The following INTS4 variants were observed in gnomAD, a reference collection of about 807,000 sequenced individuals.
INTS4 encodes the protein integrator complex subunit 4, also known as MSTP093.
Under a neutral mutation model 119.5 loss-of-function variants are expected in INTS4, and 70 were observed. The observed-to-expected ratio is 0.59, with a 90% confidence interval of 0.48 to 0.71. INTS4 has a LOEUF of 0.71. INTS4 is among the 30% of genes least tolerant of loss of function. The pLI, the probability that INTS4 is intolerant of heterozygous loss-of-function variation, is 0.00. For missense variants in INTS4, 867 were observed against 1,173.2 expected (o/e 0.74, Z 3.81); for synonymous variants, 316 against 419.6 (o/e 0.75, Z 3.02).
Position 77,960,381 on chromosome 11 carries a change from T to A in INTS4, c.668A>T (p.His223Leu), listed in dbSNP as rs368162001. Residue 223 changes from histidine (H) to leucine (L), a missense_variant, in exon 6 of 23, where the codon CAT (histidine) becomes CTT (leucine). His to Leu is a moderately conservative substitution (Grantham distance 99). This residue lies in a region of INTS4 where 208 missense variants were observed against 306.6 expected (regional missense o/e 0.68). Transcript: ENST00000534064. ...TAAIKAMLQL[H>L]ERGLKLHQTI... The stretch of plus-strand genomic sequence containing the variant: ...TTGGTGTAATTTCAGTCCTCTTTCA[T>A]GGAGCTGCAACTAGATAATAAATAT... The A allele has an allele frequency of 6.3e-7, 1 of 1,597,068 alleles. No individual in the cohort carries two copies. Among genetic ancestry groups the A allele is most frequent in the African/African-American group, 1.3e-5 (1 of 74,268 alleles).
chr11:77,974,915 C>CT (rs1565284817), intron 4 of INTS4, among the ~76,000 whole-genome samples: 1 of 151,958 alleles, frequency 6.6e-6, no homozygotes, highest in Non-Finnish European at 1.5e-5. Flanking sequence ...CTCACTTTTC[C>CT]TTTTTTTTCC....
intron 1 of INTS4, among the ~76,000 whole-genome samples, chr11:77,992,586 C>T (rs145981397): frequency 4.6e-5 from 7 of 152,176 alleles, no homozygotes; most frequent in African/African-American, 1.7e-4. Flanking sequence ...CCTAATGGTG[C>T]GTTTTTATGT....
At chr11:77,896,576 C>T (rs892901002) in intron 18 of INTS4, among the ~76,000 whole-genome samples, 4 of 149,674 alleles carry the variant, frequency 2.7e-5, no homozygotes, top group East Asian at 2.0e-4. Context: ...CTCTTGAACC[C>T]GGGAGGTGGA....
At position 77,883,933 on chromosome 11, in the gene INTS4, T is replaced by C. The variant is rs771201870; in HGVS notation, c.2612A>G (p.Gln871Arg). The C allele has an allele frequency of 6.2e-7, 1 of 1,613,268 alleles. No homozygotes were observed. The highest frequency in any genetic ancestry group is 1.1e-5 in the South Asian group (1 of 90,904). The change falls in exon 22 of 23, where the codon CAG becomes CGG. Residue 871 changes from glutamine to arginine, a missense_variant. By Grantham distance (43) the Gln-to-Arg change is conservative. Around this residue, in one of 5 missense-constraint regions of INTS4, gnomAD observed 122 missense variants for 133.2 expected, o/e 0.92. Transcript: ENST00000534064. ...AGGCTTGGGGTGAATCATCTGAGCC[T>C]GGCCATCTGGATATAAGACCTAAAG... ...VKVQVLYPDG[Q>R]AQMIHPKPAD...
rs1565221192 is a variant in INTS4, at chr11:77,883,864, G to T, written c.2681C>A (p.Thr894Asn). ...NPGPGRHRLI[T>N]QVYLSHTAWT... ...AGCGGTGTGGGAGAGATAAACCTGAGTGATGAGCCGGTGCCGCCCTGGGCC... is the reference window on the plus strand; with the variant it reads ...AGCGGTGTGGGAGAGATAAACCTGATTGATGAGCCGGTGCCGCCCTGGGCC... Residue 894 changes from threonine to asparagine, a missense_variant, in exon 22 of 23, where the codon ACT becomes AAT. Physicochemically the swap from Thr to Asn is moderately conservative, Grantham distance 65. Coordinates refer to ENST00000534064, the MANE Select transcript of INTS4 (RefSeq NM_033547.4). 6.2e-7 allele frequency: 1 copy of T among 1,612,910 alleles called. No homozygotes were observed. Among genetic ancestry groups the T allele is most frequent in the Non-Finnish European group, 8.5e-7 (1 of 1,179,490 alleles).
chr11:77,977,366 G>A (rs886487233), intron 4 of INTS4, among the ~76,000 whole-genome samples: 1 of 151,264 alleles, frequency 6.6e-6, no homozygotes, highest in Admixed American at 6.6e-5. Flanking sequence ...ACACATACAA[G>A]AAAAATACTT....
intron 2 of INTS4, among the ~76,000 whole-genome samples, chr11:77,982,278 G>C (rs1007425451): frequency 1.3e-5 from 2 of 151,948 alleles, no homozygotes; most frequent in Non-Finnish European, 1.5e-5. Flanking sequence ...TGGGACTACA[G>C]ATACATGCTA....
At chr11:77,924,264 G>A (rs910993802) in intron 12 of INTS4, among the ~76,000 whole-genome samples, 1 of 151,364 alleles carries the variant, frequency 6.6e-6, no homozygotes, top group Non-Finnish European at 1.5e-5. Flanking sequence ...TTGGGGTATG[G>A]TGGCATGCAA....
intron 8 of INTS4, among the ~76,000 whole-genome samples, chr11:77,945,815 G>A (rs1327796300): frequency 2.0e-5 from 3 of 152,246 alleles, no homozygotes; most frequent in East Asian, 1.9e-4. Flanking sequence ...AACTGGCCAC[G>A]ATAGAGTCCC....
intron 1 of INTS4, among the ~76,000 whole-genome samples, chr11:77,993,480 A>G (rs1856778161): frequency 6.6e-6 from 1 of 152,218 alleles, no homozygotes; most frequent in South Asian, 2.1e-4. Context: ...TCATGTGAGG[A>G]TGGGTGGAAG....
chr11:77,888,205 G>A (rs575349782), intron 21 of INTS4, among the ~76,000 whole-genome samples: 2 of 152,178 alleles, frequency 1.3e-5, no homozygotes, highest in Non-Finnish European at 2.9e-5. Flanking sequence ...AGAACAGCAT[G>A]GTACTGTTAC....
chr11:77,944,425 A>G (rs1954000310), intron 8 of INTS4, among the ~76,000 whole-genome samples: 1 of 152,158 alleles, frequency 6.6e-6, no homozygotes, highest in Non-Finnish European at 1.5e-5. Flanking sequence ...ATCCCTGCTC[A>G]TATTTTCTCT....
At chr11:77,885,687 C>T (rs1473401553) in intron 21 of INTS4, among the ~76,000 whole-genome samples, 1 of 151,896 alleles carries the variant, frequency 6.6e-6, no homozygotes, top group Non-Finnish European at 1.5e-5. Flanking sequence ...GGTATGGTGG[C>T]GTGTGCCTGT....
chr11:77,939,114 C>T (rs1468078723), intron 9 of INTS4, among the ~76,000 whole-genome samples: 1 of 152,144 alleles, frequency 6.6e-6, no homozygotes, highest in South Asian at 2.1e-4. Context: ...AAAGAGAGAG[C>T]CAGAGAGGCA....
intron 3 of INTS4, among the ~76,000 whole-genome samples, chr11:77,979,701 G>A (rs1206410461): frequency 1.3e-5 from 2 of 150,806 alleles, no homozygotes; most frequent in Non-Finnish European, 3.0e-5. Flanking sequence ...AAAAGGCCAG[G>A]CACGGTGGTG....
At chr11:77,882,612 T>C (rs1951835738) in intron 22 of INTS4, among the ~76,000 whole-genome samples, 1 of 152,124 alleles carries the variant, frequency 6.6e-6, no homozygotes, top group Non-Finnish European at 1.5e-5. Context: ...GCAGCCAGAT[T>C]ATGGAATGAG....
At chr11:77,890,172 CT>C (rs1398074529) in intron 21 of INTS4, among the ~76,000 whole-genome samples, 1 of 152,196 alleles carries the variant, frequency 6.6e-6, no homozygotes, top group Non-Finnish European at 1.5e-5. Context: ...AAACAAAACA[CT>C]CCAATATGCA....
chr11:77,912,165 C>G (rs1953102542), intron 15 of INTS4, among the ~76,000 whole-genome samples: 1 of 151,988 alleles, frequency 6.6e-6, no homozygotes, highest in Non-Finnish European at 1.5e-5. Context: ...AGTTCGAGAC[C>G]AGCCTGGGCA....
chr11:77,983,257 G>C (rs1253563638), intron 2 of INTS4, among the ~76,000 whole-genome samples: 3 of 152,050 alleles, frequency 2.0e-5, no homozygotes, highest in African/African-American at 7.2e-5. Flanking sequence ...ACTAAGTTTG[G>C]GTTTAGTTTG....
Sources: allele counts gnomAD v4.1 joint callset (sites outside exome capture counted in the v4.1 genomes callset), GRCh38; gene constraint gnomAD v4.1.1; regional missense constraint gnomAD v4.1.1; transcripts MANE v1.5; gene names NCBI Gene and HGNC (gene_info 2026-07-23, HGNC 2026-07-21).